Variants in GPR107 observed in about 807,000 individuals in gnomAD.
GPR107 encodes G protein-coupled receptor 107, also known as protein GPR107.
Under a neutral mutation model 75.5 loss-of-function variants are expected in GPR107, and 31 were observed. The ratio of observed to expected loss-of-function variants is 0.41; its 90% CI spans 0.31 to 0.55. The LOEUF (loss-of-function observed/expected upper bound fraction) is 0.55, where lower values mean the gene tolerates loss of function less well. Ranked by LOEUF, GPR107 falls within the 20% of genes least tolerant of loss-of-function variation. The pLI, the probability that GPR107 is intolerant of heterozygous loss-of-function variation, is 0.26. For missense variants in GPR107, 572 were observed against 665.7 expected, an observed-to-expected ratio of 0.86 and a Z score of 1.55; for synonymous variants, 267 against 251.3, an observed-to-expected ratio of 1.06 and a Z score of -0.59.
chr9:130,083,469 A>C (rs1185504329), intron 5 of GPR107, 96 bp from the exon 6 acceptor site: 6 of 637,460 alleles, frequency 9.4e-6, no homozygotes, highest in Non-Finnish European at 1.5e-5. Flanking sequence ...ATTTGATATT[A>C]GACAAGCTGA....
At position 130,069,984 on chromosome 9, in the gene GPR107, C is replaced by CTTTTTT. The variant is rs1045979986; in HGVS notation, c.142-5630_142-5625dup. Among the ~76,000 whole-genome samples, 30 of 45,394 alleles carry CTTTTTT rather than the reference C, an allele frequency of 6.6e-4. 2 individuals carry two copies. Among genetic ancestry groups the CTTTTTT allele is most frequent in the African/African-American group, 2.1e-3 (24 of 11,604 alleles). 29.8% of individuals were successfully genotyped at this position (45,394 alleles called of 152,430 possible). ...AGGCATAAGCCACCGTGCCTGGCCT[C>CTTTTTT]TTTTTTTTTTTTTTTTTTTTTTTTT... On this transcript the variant is annotated intron_variant, in intron 1 of 17. Coordinates refer to ENST00000347136, the MANE Select transcript of GPR107 (RefSeq NM_020960.5).
chr9:130,074,668 C>T (rs1010273666), intron 1 of GPR107, among the ~76,000 whole-genome samples: 10 of 152,058 alleles, frequency 6.6e-5, no homozygotes, highest in African/African-American at 1.7e-4. Flanking sequence ...GTCTCCATGT[C>T]GCTAATTCCT....
chr9:130,066,259 A>G (rs1423260506), intron 1 of GPR107, among the ~76,000 whole-genome samples: 1 of 152,024 alleles, frequency 6.6e-6, no homozygotes, highest in African/African-American at 2.4e-5. Context: ...AAATTGCGCC[A>G]CTGCACTCCA....
rs7848902 is a variant in GPR107, at chr9:130,069,921, T to A, written c.142-5715T>A. On this transcript the variant is annotated intron_variant, in intron 1 of 17. Transcript: ENST00000347136. ...GGCTGGTCTCAAACTGACCTAAGGG[T>A]ATCTGCCCACCTTGGCCTCCCATCG... is the stretch of plus-strand genomic sequence containing the variant. 3.3e-5 allele frequency among the ~76,000 whole-genome samples: 5 copies of A among 150,008 alleles called. No homozygotes were observed. In the South Asian group the frequency reaches 1.1e-3, roughly 32 times the overall value.
chr9:130,134,856 T>A (rs1316438115), intron 17 of GPR107, among the ~76,000 whole-genome samples, 169 bp from the exon 18 acceptor site: 2 of 152,228 alleles, frequency 1.3e-5, no homozygotes, highest in African/African-American at 4.8e-5. Flanking sequence ...TCAAGTGACT[T>A]GGCCAAGGTT....
At chr9:130,080,522 C>T (rs778312410) in intron 5 of GPR107, among the ~76,000 whole-genome samples, 52 of 145,128 alleles carry the variant, frequency 3.6e-4, no homozygotes, top group Non-Finnish European at 6.6e-4. Context: ...GACGGAGTCT[C>T]GCTCTGTCGC....
Position 130,135,004 on chromosome 9 carries a change from GTTTT to G in GPR107, c.1563-18_1563-15del. Reference sequence around the variant, plus strand: ...AAGAGACTGTGAGATGTTCCTAATTGTTTTTTCTTTCCTTGTTCAGTGTGACAAC... The same window carrying G: ...AAGAGACTGTGAGATGTTCCTAATTGTTCTTTCCTTGTTCAGTGTGACAAC... On this transcript the variant is annotated splice_polypyrimidine_tract_variant and intron_variant, in intron 17 of 17. Transcript: ENST00000347136. The G allele has an allele frequency of 7.0e-7, 1 of 1,422,818 alleles. No homozygotes were observed. Among genetic ancestry groups the G allele is most frequent in the Non-Finnish European group, 9.9e-7 (1 of 1,009,110 alleles). 88.1% of individuals were successfully genotyped at this position (1,422,818 alleles called of 1,614,324 possible). A position where few individuals can be genotyped will look rare whatever the true frequency, so the allele number is the denominator to read the frequency against.
At chr9:130,100,019 C>T (rs906296178) in intron 10 of GPR107, among the ~76,000 whole-genome samples, 9 of 151,138 alleles carry the variant, frequency 6.0e-5, no homozygotes, top group Non-Finnish European at 8.9e-5. Context: ...CTGAGTCTCC[C>T]GAGTAGCTGG....
chr9:130,115,682 G>A (rs1831407521), intron 14 of GPR107, among the ~76,000 whole-genome samples: 1 of 14,616 alleles, frequency 6.8e-5, no homozygotes, highest in East Asian at 3.4e-3. Context: ...GGAGAATGGT[G>A]TGAAACCGGG....
chr9:130,085,004 G>A (rs1262815353), intron 6 of GPR107, among the ~76,000 whole-genome samples: 5 of 152,114 alleles, frequency 3.3e-5, no homozygotes, highest in Admixed American at 6.6e-5. Context: ...GCACTGGCTC[G>A]TTTGAAGTAA....
chr9:130,126,128 GT>G (rs1377851980), intron 15 of GPR107, among the ~76,000 whole-genome samples: 1 of 151,558 alleles, frequency 6.6e-6, no homozygotes, highest in African/African-American at 2.4e-5. Flanking sequence ...CTAGTTACAT[GT>G]TGTGGTAATA....
chr9:130,116,605 G>A (rs1831434239), intron 14 of GPR107, among the ~76,000 whole-genome samples: 1 of 152,230 alleles, frequency 6.6e-6, no homozygotes, highest in South Asian at 2.1e-4. Context: ...GGCTGGCAGA[G>A]AAACAGGAGA....
Position 130,135,569 on chromosome 9 carries a change from G to T in GPR107, c.*448G>T, listed in dbSNP as rs1554899844. On this transcript the variant is annotated 3_prime_UTR_variant, in exon 18 of 18. Transcript: ENST00000347136. Reference sequence around the variant, plus strand: ...TACTGAGGACCCTGGGACTTAAGAAGAAGGGCGGGGAGAGTGCCATTGCCT... The same window carrying T: ...TACTGAGGACCCTGGGACTTAAGAATAAGGGCGGGGAGAGTGCCATTGCCT... 6.4e-6 allele frequency: 1 copy of T among 155,190 alleles called. No individual in the cohort carries two copies. The highest frequency in any genetic ancestry group is 1.4e-5 in the Non-Finnish European group (1 of 69,976). 9.6% of individuals were successfully genotyped at this position (155,190 alleles called of 1,614,324 possible). A position where few individuals can be genotyped will look rare whatever the true frequency, so the allele number is the denominator to read the frequency against.
At position 130,092,172 on chromosome 9, in the gene GPR107, C is replaced by T. The variant is rs1830754261; in HGVS notation, c.730-76C>T. ...CTTACTTTCTTAAGCTTAAGTGAAA[C>T]AACTGAGATTCCAAATTGCTGAATA... On this transcript the variant is annotated intron_variant, in intron 8 of 17. Transcript: ENST00000347136. 4.6e-6 allele frequency: 6 copies of T among 1,295,752 alleles called. No homozygotes were observed. The Admixed American group carries it at 8.9e-5, about 19-fold the overall frequency. The allele number at this position is 1,295,752 out of a possible 1,614,324, so 80.3% of individuals were successfully genotyped here.
In GPR107 at chr9:130,112,804, C is replaced by T. The variant is rs2132628779; in HGVS notation, c.1306+5265C>T. On this transcript the variant is annotated intron_variant, in intron 14 of 17. Transcript: ENST00000347136. The surrounding 1 kb of genome is among the most constrained non-coding windows in gnomAD (Gnocchi z 4.0). ...TTGCACTGTTGCCCAGGCTGGAGTC[C>T]AGTGGTGTAATCTTGGCTTACTGCA... Among the ~76,000 whole-genome samples, 1 of 151,868 alleles carries T rather than the reference C, an allele frequency of 6.6e-6. No homozygotes were observed. Among genetic ancestry groups the T allele is most frequent in the Admixed American group, 6.6e-5 (1 of 15,254 alleles).
At chr9:130,081,071 A>C (rs1345541904) in intron 5 of GPR107, among the ~76,000 whole-genome samples, 1 of 152,024 alleles carries the variant, frequency 6.6e-6, no homozygotes, top group African/African-American at 2.4e-5. Flanking sequence ...AAAATTAGCC[A>C]TGCGTAGTGG....
intron 1 of GPR107, among the ~76,000 whole-genome samples, chr9:130,073,479 G>A (rs996109071): frequency 6.6e-6 from 1 of 152,182 alleles, no homozygotes; most frequent in Non-Finnish European, 1.5e-5. Context: ...GATTCCAGGA[G>A]ATGACCTCTG....
chr9:130,106,798 T>C (rs1038860584), intron 13 of GPR107, among the ~76,000 whole-genome samples: 1 of 151,490 alleles, frequency 6.6e-6, no homozygotes, highest in Non-Finnish European at 1.5e-5. Context: ...CTGACAAGAG[T>C]GAGTGACAGT....
chr9:130,064,479 C>T (rs555912880), intron 1 of GPR107, among the ~76,000 whole-genome samples: 2 of 151,842 alleles, frequency 1.3e-5, no homozygotes, highest in Admixed American at 6.5e-5. Context: ...GGATTACAGG[C>T]GTGAGCCACC....
Sources: allele counts gnomAD v4.1 joint callset (sites outside exome capture counted in the v4.1 genomes callset), GRCh38; gene constraint gnomAD v4.1.1; non-coding constraint Gnocchi (gnomAD v3.1); transcripts MANE v1.5; gene names NCBI Gene and HGNC (gene_info 2026-07-23, HGNC 2026-07-21).